ULK4: variants seen among roughly 807,000 people sequenced by gnomAD.
The protein encoded by ULK4 is unc-51 like kinase 4, also known as inactive serine/threonine-protein kinase ULK4.
ULK4 carries 133 observed loss-of-function variants against 160.6 expected under a neutral mutation model. The observed-to-expected ratio is 0.83, with a 90% CI of 0.72 to 0.96. ULK4 has a LOEUF of 0.96. Ranked by LOEUF, ULK4 falls within the 40% of genes least tolerant of loss-of-function variation. The pLI, the probability that ULK4 is intolerant of heterozygous loss-of-function variation, is 0.00. For missense variants in ULK4, 1,580 were observed against 1,499.5 expected, an observed-to-expected ratio of 1.05 and a Z score of -0.89; for synonymous variants, 534 against 539.8, an observed-to-expected ratio of 0.99 and a Z score of 0.15.
intron 35 of ULK4, among the ~76,000 whole-genome samples, chr3:41,277,544 C>A (rs1464045877): frequency 2.0e-5 from 3 of 151,752 alleles, no homozygotes; most frequent in Non-Finnish European, 4.4e-5. Context: ...TGATAAAATG[C>A]AGCATCCCTT....
In ULK4 at chr3:41,363,217, T is replaced by C. The variant is rs558720743; in HGVS notation, c.3678+34862A>G. Among the ~76,000 whole-genome samples, 4 of 152,342 alleles carry C rather than the reference T, an allele frequency of 2.6e-5. No homozygotes were observed. The East Asian group carries it at 7.7e-4, about 29-fold the overall frequency. On this transcript the variant is annotated intron_variant, in intron 35 of 36. Transcript: ENST00000301831. Reference sequence around the variant, plus strand: ...TAGAGATGCCCACAGTAATTGGCAATGGTCCTCTGGTCCCCCAGGGGCTGA... The same window carrying C: ...TAGAGATGCCCACAGTAATTGGCAACGGTCCTCTGGTCCCCCAGGGGCTGA...
intron 22 of ULK4, among the ~76,000 whole-genome samples, chr3:41,727,916 T>C (rs1445785964): frequency 6.6e-6 from 1 of 152,210 alleles, no homozygotes; most frequent in African/African-American, 2.4e-5. Context: ...AAGGTACAAA[T>C]AATTAGATTT....
chr3:41,742,899 A>C (rs2038289422), intron 22 of ULK4, among the ~76,000 whole-genome samples: 1 of 151,826 alleles, frequency 6.6e-6, no homozygotes, highest in Non-Finnish European at 1.5e-5. Flanking sequence ...GACTACAAAT[A>C]AATTAAACTT....
At chr3:41,500,592 A>C (rs1251447921) in intron 32 of ULK4, among the ~76,000 whole-genome samples, 1 of 152,118 alleles carries the variant, frequency 6.6e-6, no homozygotes, top group Non-Finnish European at 1.5e-5. Context: ...CCCTGGATCG[A>C]AGCCAAGTTG....
chr3:41,639,341 G>C (rs1389882702), intron 30 of ULK4, among the ~76,000 whole-genome samples: 1 of 152,138 alleles, frequency 6.6e-6, no homozygotes, highest in Non-Finnish European at 1.5e-5. Flanking sequence ...ATAAATGTTT[G>C]ACAAGTTCAA....
intron 32 of ULK4, among the ~76,000 whole-genome samples, chr3:41,551,172 A>G (rs1201799850): frequency 1.3e-5 from 2 of 151,890 alleles, no homozygotes; most frequent in African/African-American, 4.8e-5. Flanking sequence ...TAACACATCT[A>G]CATTAAAAAG....
At chr3:41,749,897 C>G (rs2038555947) in intron 22 of ULK4, among the ~76,000 whole-genome samples, 1 of 152,010 alleles carries the variant, frequency 6.6e-6, no homozygotes, top group Middle Eastern at 3.2e-3. Context: ...TGCTGGCCAC[C>G]AAGAGAAAGT....
chr3:41,819,521 GA>G lies in ULK4; in HGVS notation c.1765-16del, dbSNP rs59543183. On this transcript the variant is annotated splice_polypyrimidine_tract_variant and intron_variant, in intron 18 of 36. Coordinates refer to ENST00000301831, the MANE Select transcript of ULK4 (RefSeq NM_017886.4). The stretch of plus-strand genomic sequence containing the variant: ...TTTTTTTCTTCCTAAAATGAAGTGG[GA>G]AAAAAAAAGGCAGTGAAGCTAACAG... The G allele has an allele frequency of 0.2, 307,508 of 1,573,930 alleles. 38,645 individuals carry two copies. Among genetic ancestry groups the G allele is most frequent in the African/African-American group, 0.66 (48,279 of 73,026 alleles).
At chr3:41,252,129 C>A (rs989206028) in intron 35 of ULK4, among the ~76,000 whole-genome samples, 2 of 152,174 alleles carry the variant, frequency 1.3e-5, no homozygotes, top group African/African-American at 4.8e-5. Context: ...GCAGCCTGAA[C>A]CTAATCAGCA....
chr3:41,840,633 C>T (rs561786840), intron 17 of ULK4, among the ~76,000 whole-genome samples: 1 of 152,360 alleles, frequency 6.6e-6, no homozygotes, highest in African/African-American at 2.4e-5. Context: ...ACCTCGGCCT[C>T]CCGGGGTGCT....
At chr3:41,722,761 T>C (rs940460742) in intron 22 of ULK4, among the ~76,000 whole-genome samples, 2 of 152,232 alleles carry the variant, frequency 1.3e-5, no homozygotes, top group African/African-American at 4.8e-5. Flanking sequence ...AAACATTTTC[T>C]TTAAGGAAAT....
At chr3:41,728,562 A>G (rs2037725317) in intron 22 of ULK4, among the ~76,000 whole-genome samples, 2 of 152,110 alleles carry the variant, frequency 1.3e-5, no homozygotes, top group Admixed American at 1.3e-4. Flanking sequence ...GGCCTAAGGG[A>G]CAAACATCCA....
At chr3:41,678,322 G>T (rs2035804820) in intron 29 of ULK4, among the ~76,000 whole-genome samples, 1 of 151,774 alleles carries the variant, frequency 6.6e-6, no homozygotes, top group Non-Finnish European at 1.5e-5. Context: ...GTTCTGATAA[G>T]CATCTGGAAC....
chr3:41,954,194 A>G (rs1173958414), intron 2 of ULK4, among the ~76,000 whole-genome samples: 4 of 150,196 alleles, frequency 2.7e-5, no homozygotes, highest in African/African-American at 9.8e-5. Context: ...AAAAAAAAAA[A>G]AGAAAAATAC....
chr3:41,644,378 A>T (rs1243476687), intron 30 of ULK4, among the ~76,000 whole-genome samples: 2 of 151,906 alleles, frequency 1.3e-5, no homozygotes, highest in African/African-American at 4.8e-5. Flanking sequence ...TCAATACCTA[A>T]TTTATTGAGA....
intron 32 of ULK4, among the ~76,000 whole-genome samples, chr3:41,515,728 A>G (rs1486740852): frequency 6.6e-6 from 1 of 152,216 alleles, no homozygotes; most frequent in Non-Finnish European, 1.5e-5. Flanking sequence ...AAGGAGGGAA[A>G]GTGCCCCCAT....
intron 35 of ULK4, among the ~76,000 whole-genome samples, chr3:41,261,067 A>T (rs2078930869): frequency 1.3e-5 from 2 of 152,158 alleles, no homozygotes; most frequent in Admixed American, 1.3e-4. Flanking sequence ...TACTCCAGAC[A>T]AACCGGGTAG....
intron 35 of ULK4, among the ~76,000 whole-genome samples, chr3:41,327,245 G>A (rs570683144): frequency 1.3e-5 from 2 of 152,308 alleles, no homozygotes; most frequent in African/African-American, 4.8e-5. Flanking sequence ...TTGGAAGAAC[G>A]TGTCTTGTTA....
chr3:41,932,107 A>G (rs769980423), intron 4 of ULK4, 101 bp from the exon 5 acceptor site: 42 of 996,152 alleles, frequency 4.2e-5, no homozygotes, highest in Non-Finnish European at 5.4e-5. Context: ...CAGCATTGCT[A>G]TTCTTTATCA....
Sources: gnomAD v4.1 joint callset for allele counts (sites outside exome capture counted in the v4.1 genomes callset) on GRCh38, gnomAD v4.1.1 for gene constraint, MANE v1.5 for transcripts, NCBI Gene and HGNC (gene_info 2026-07-23, HGNC 2026-07-21) for gene names.